Variants in RANBP17 observed in about 807,000 individuals in gnomAD.
RANBP17 encodes ran-binding protein 17.
In RANBP17, 158 loss-of-function variants were observed where a neutral mutation model predicts 141.2. The ratio of observed to expected loss-of-function variants is 1.12; its 90% CI spans 0.98 to 1.28. The LOEUF (loss-of-function observed/expected upper bound fraction) is 1.28, where lower values mean the gene tolerates loss of function less well. Ranked by LOEUF, RANBP17 falls within the 50% of genes most tolerant of loss-of-function variation. The pLI is 0.00. For synonymous variants in RANBP17, 430 were observed against 450.0 expected (o/e 0.96, Z 0.56); for missense variants, 1,438 against 1,290.7 (o/e 1.11, Z -1.75).
chr5:171,004,134 A>G (rs541498158), intron 14 of RANBP17, among the ~76,000 whole-genome samples: 3 of 152,194 alleles, frequency 2.0e-5, no homozygotes, highest in African/African-American at 7.2e-5. Flanking sequence ...GTGGGATGGG[A>G]TACTGGCATT....
Position 171,295,882 on chromosome 5 carries a change from A to G in RANBP17, c.3043-5A>G, listed in dbSNP as rs77972154. The G allele has an allele frequency of 1.0e-4, 166 of 1,612,528 alleles. No homozygotes were observed. The highest frequency in any genetic ancestry group is 2.9e-4 in the East Asian group (13 of 44,822). ...GAGCTCTGACACTATTCTGTCTCCC[A>G]TCAGTATTTCAGTGAACTGAGAGCA... is the stretch of plus-strand genomic sequence containing the variant. On this transcript the variant is annotated splice_polypyrimidine_tract_variant and splice_region_variant and intron_variant, in intron 26 of 27. Coordinates refer to ENST00000523189, the MANE Select transcript of RANBP17 (RefSeq NM_022897.5).
chr5:170,917,554 CAT>C lies in RANBP17; in HGVS notation c.954+975_954+976del, dbSNP rs139650274. On this transcript the variant is annotated intron_variant, in intron 9 of 27. Transcript: ENST00000523189. ...GTTATTAATAAATTTTGGGGGGTGACATATATCTTCAGTAAGAATGTTCTACA... is the reference window on the plus strand; with the variant it reads ...GTTATTAATAAATTTTGGGGGGTGACATATCTTCAGTAAGAATGTTCTACA... 2.9e-3 allele frequency among the ~76,000 whole-genome samples: 435 copies of C among 152,118 alleles called. 3 individuals are homozygous for C. Among genetic ancestry groups the C allele is most frequent in the African/African-American group, 9.7e-3 (404 of 41,504 alleles).
At chr5:171,034,297 A>G (rs1015585830) in intron 14 of RANBP17, among the ~76,000 whole-genome samples, 1 of 152,178 alleles carries the variant, frequency 6.6e-6, no homozygotes, top group African/African-American at 2.4e-5. Context: ...GGTTGTAATT[A>G]CAAGCCACTT....
At chr5:171,230,926 T>A in intron 22 of RANBP17, among the ~76,000 whole-genome samples, 1 of 151,744 alleles carries the variant, frequency 6.6e-6, no homozygotes. Context: ...AGAATTAGGC[T>A]TTTTTTGGTT....
At chr5:171,088,085 T>C (rs1785836743) in intron 14 of RANBP17, among the ~76,000 whole-genome samples, 1 of 152,014 alleles carries the variant, frequency 6.6e-6, no homozygotes, top group South Asian at 2.1e-4. Context: ...TTTGGCATGA[T>C]TTTGCAGCGG....
intron 25 of RANBP17, among the ~76,000 whole-genome samples, chr5:171,274,160 G>A (rs934432680): frequency 5.6e-5 from 8 of 141,760 alleles, no homozygotes; most frequent in African/African-American, 1.2e-4. Flanking sequence ...GCGCGCGCGC[G>A]CGCGTGCGCA....
intron 14 of RANBP17, among the ~76,000 whole-genome samples, chr5:170,984,592 T>C (rs921034177): frequency 1.3e-5 from 2 of 152,050 alleles, no homozygotes; most frequent in Non-Finnish European, 2.9e-5. Flanking sequence ...CACCAGTGCA[T>C]TCCAGCTTGG....
intron 14 of RANBP17, among the ~76,000 whole-genome samples, chr5:171,064,355 G>T (rs1784147173): frequency 6.6e-6 from 1 of 152,218 alleles, no homozygotes; most frequent in Non-Finnish European, 1.5e-5. Flanking sequence ...TTGCTAATTT[G>T]ATGGGTGAAA....
chr5:170,872,934 C>T lies in RANBP17; in HGVS notation c.19-5163C>T, dbSNP rs114605473. 2.6e-3 allele frequency among the ~76,000 whole-genome samples: 402 copies of T among 151,784 alleles called. 2 individuals are homozygous for T. The highest frequency in any genetic ancestry group is 8.7e-3 in the African/African-American group (358 of 41,320). On this transcript the variant is annotated intron_variant, in intron 1 of 27. Transcript: ENST00000523189. ...TTTTTCTTTTTTTCTTTTTTTAAGA[C>T]GGAGTCTTACTCTGTCACCCAGACT...
intron 14 of RANBP17, among the ~76,000 whole-genome samples, chr5:171,116,505 T>A (rs1331115757): frequency 6.6e-6 from 1 of 152,236 alleles, no homozygotes; most frequent in Admixed American, 6.5e-5. Context: ...TTTCTTTTTT[T>A]AAAATTCGTT....
chr5:171,248,093 G>A (rs1177020624), intron 24 of RANBP17, among the ~76,000 whole-genome samples: 11 of 152,196 alleles, frequency 7.2e-5, no homozygotes, highest in East Asian at 1.9e-4. Flanking sequence ...AAGGCTGGGC[G>A]CGTTGGCTAA....
chr5:170,959,376 G>C (rs964364573), intron 13 of RANBP17, among the ~76,000 whole-genome samples: 9 of 152,198 alleles, frequency 5.9e-5, no homozygotes, highest in African/African-American at 2.2e-4. Context: ...ATGGCCCAGA[G>C]TATCCTGTGC....
At chr5:171,251,995 C>G in intron 24 of RANBP17, 1 of 1,609,544 alleles carries the variant, frequency 6.2e-7, no homozygotes, top group Non-Finnish European at 8.5e-7. Context: ...TTTTTGTCGT[C>G]CATTTCGGGA....
intron 14 of RANBP17, among the ~76,000 whole-genome samples, chr5:170,975,497 G>A (rs1777298456): frequency 1.3e-5 from 2 of 152,192 alleles, no homozygotes; most frequent in Non-Finnish European, 2.9e-5. Context: ...CTGCACTCCA[G>A]CCTGGGTGAC....
rs780352561 is a variant in RANBP17, at chr5:170,968,459, A to C, written c.1710+82A>C. 2.4e-6 allele frequency: 3 copies of C among 1,243,524 alleles called. 1 individual carries two copies. The highest frequency in any genetic ancestry group is 3.5e-6 in the Non-Finnish European group (3 of 851,878). 77.0% of individuals were successfully genotyped at this position (1,243,524 alleles called of 1,614,324 possible). ...TATATAACTGAATGATATATTTGGGAAATTTCTACATAAGACGTGTAATTG... is the reference window on the plus strand; with the variant it reads ...TATATAACTGAATGATATATTTGGGCAATTTCTACATAAGACGTGTAATTG... On this transcript the variant is annotated intron_variant, in intron 14 of 27. Transcript: ENST00000523189.
intron 12 of RANBP17, among the ~76,000 whole-genome samples, chr5:170,946,316 A>G (rs1335256942): frequency 6.6e-6 from 1 of 152,138 alleles, no homozygotes; most frequent in East Asian, 1.9e-4. Context: ...TCATTTTGAG[A>G]AATAATTTAC....
At chr5:171,235,695 G>A (rs1200908913) in intron 22 of RANBP17, among the ~76,000 whole-genome samples, 2 of 152,068 alleles carry the variant, frequency 1.3e-5, no homozygotes, top group African/African-American at 4.8e-5. Flanking sequence ...TCAGCCTCCT[G>A]GGCTCAAGTG....
intron 22 of RANBP17, among the ~76,000 whole-genome samples, chr5:171,223,559 C>T (rs1434123277): frequency 7.2e-5 from 11 of 152,084 alleles, no homozygotes; most frequent in African/African-American, 1.9e-4. Context: ...CGTTTGAACC[C>T]GGGAGGCAGA....
intron 14 of RANBP17, among the ~76,000 whole-genome samples, chr5:171,042,303 A>G: frequency 6.6e-6 from 1 of 152,078 alleles, no homozygotes; most frequent in Non-Finnish European, 1.5e-5. Context: ...ATAGTTATAT[A>G]TAGTTAACTA....
Sources: gnomAD v4.1 joint callset for allele counts (sites outside exome capture counted in the v4.1 genomes callset) on GRCh38, gnomAD v4.1.1 for gene constraint, MANE v1.5 for transcripts, NCBI Gene and HGNC (gene_info 2026-07-23, HGNC 2026-07-21) for gene names.